Variants in MECOM observed in about 807,000 individuals in gnomAD.
MECOM encodes the protein MDS1 and EVI1 complex locus, also known as histone-lysine N-methyltransferase MECOM.
A neutral mutation model predicts 116.3 loss-of-function variants in MECOM; 13 were observed. That is an observed-to-expected ratio of 0.11 (90% CI 0.07 to 0.18). The LOEUF (loss-of-function observed/expected upper bound fraction) is 0.18, where lower values mean the gene tolerates loss of function less well. Among genes scored for constraint, MECOM ranks in the 10% least tolerant of loss-of-function variants. The probability of loss-of-function intolerance (pLI) is 1.00; values close to 1 mark genes in which losing one functional copy is unlikely to be tolerated. For missense variants in MECOM, 1,299 were observed against 1,509.0 expected (o/e 0.86, Z 2.31); for synonymous variants, 528 against 535.2 (o/e 0.99, Z 0.19).
At chr3:169,152,762 C>G (rs141846769) in intron 2 of MECOM, among the ~76,000 whole-genome samples, 15 of 152,270 alleles carry the variant, frequency 9.9e-5, no homozygotes, top group Middle Eastern at 6.8e-3. Context: ...GAACCATTAC[C>G]TACTTCCTTT....
chr3:169,225,001 T>C (rs1285995641), intron 2 of MECOM, among the ~76,000 whole-genome samples: 4 of 152,204 alleles, frequency 2.6e-5, no homozygotes, highest in Non-Finnish European at 4.4e-5. Flanking sequence ...CTAAATACAT[T>C]GGTCAGATTT....
At chr3:169,407,875 G>A (rs1184539541) in intron 1 of MECOM, among the ~76,000 whole-genome samples, 2 of 152,170 alleles carry the variant, frequency 1.3e-5, no homozygotes, top group African/African-American at 2.4e-5. Flanking sequence ...TCCACTTCTT[G>A]ATGGTTATCC....
chr3:169,482,328 C>CTTT (rs768771100), intron 1 of MECOM, among the ~76,000 whole-genome samples: 2,327 of 108,264 alleles, frequency 0.021, 92 homozygotes, highest in Admixed American at 0.029. Context: ...AACCCACGTT[C>CTTT]TTTTTTTTTT....
At chr3:169,168,861 C>A (rs1327401654) in intron 2 of MECOM, among the ~76,000 whole-genome samples, 1 of 150,792 alleles carries the variant, frequency 6.6e-6, no homozygotes, top group Non-Finnish European at 1.5e-5. Flanking sequence ...AAAATAAAAT[C>A]AAAACATTTA....
At chr3:169,118,787 T>G (rs1379640358) in intron 7 of MECOM, among the ~76,000 whole-genome samples, 1 of 152,084 alleles carries the variant, frequency 6.6e-6, no homozygotes, top group Non-Finnish European at 1.5e-5. Context: ...ACTTTTCTGG[T>G]GGCACCCGTT....
chr3:169,382,861 A>T (rs551464138), intron 1 of MECOM, among the ~76,000 whole-genome samples: 2,014 of 86,534 alleles, frequency 0.023, 102 homozygotes, highest in South Asian at 0.1. Flanking sequence ...AAAAAAAAAA[A>T]AAATAAAAAA....
chr3:169,506,559 C>A (rs548033257), intron 1 of MECOM, among the ~76,000 whole-genome samples: 2 of 151,918 alleles, frequency 1.3e-5, no homozygotes, highest in East Asian at 1.9e-4. Flanking sequence ...AACTGAATTT[C>A]ATTTGAAAAG....
At chr3:169,206,631 T>A (rs894970757) in intron 2 of MECOM, among the ~76,000 whole-genome samples, 2 of 151,752 alleles carry the variant, frequency 1.3e-5, no homozygotes, top group Non-Finnish European at 2.9e-5. Context: ...CGGGTGCCTA[T>A]AATCCCAGCT....
chr3:169,333,355 C>A (rs990912319), intron 2 of MECOM, among the ~76,000 whole-genome samples: 4 of 152,174 alleles, frequency 2.6e-5, no homozygotes, highest in Middle Eastern at 3.4e-3. Context: ...AAAATAGCCA[C>A]TGTATTTTAG....
intron 2 of MECOM, among the ~76,000 whole-genome samples, chr3:169,362,427 G>A (rs1361728232): frequency 6.6e-6 from 1 of 151,828 alleles, no homozygotes; most frequent in African/African-American, 2.4e-5. Flanking sequence ...AAAAATTCAA[G>A]GTTCCTGGCA....
intron 1 of MECOM, among the ~76,000 whole-genome samples, chr3:169,388,935 G>C (rs16853626): frequency 0.028 from 4,269 of 152,216 alleles, 144 homozygotes; most frequent in African/African-American, 0.078. Context: ...TTGTCAAAAA[G>C]ACTCAGAATG....
chr3:169,413,489 T>TC (rs796419812), intron 1 of MECOM, among the ~76,000 whole-genome samples: 1 of 45,932 alleles, frequency 2.2e-5, no homozygotes, highest in Admixed American at 2.1e-4. Flanking sequence ...TTTTTTTTTT[T>TC]ATTTTTTTTT....
intron 2 of MECOM, among the ~76,000 whole-genome samples, chr3:169,207,311 T>C (rs1019901654): frequency 2.3e-4 from 35 of 152,174 alleles, no homozygotes; most frequent in African/African-American, 8.0e-4. Context: ...CAGGAAGAAG[T>C]GACTATCTCA....
At chr3:169,100,354 C>A (rs1270857704) in intron 12 of MECOM, among the ~76,000 whole-genome samples, 3 of 152,108 alleles carry the variant, frequency 2.0e-5, no homozygotes, top group Admixed American at 2.0e-4. Context: ...CTGCCTCTGC[C>A]TCCCAAAGTG....
At chr3:169,498,687 C>G (rs1754137860) in intron 1 of MECOM, among the ~76,000 whole-genome samples, 1 of 152,092 alleles carries the variant, frequency 6.6e-6, no homozygotes, top group African/African-American at 2.4e-5. Flanking sequence ...AATTCCCATG[C>G]AAGATAGGCT....
intron 13 of MECOM, 118 bp from the exon 14 acceptor site, chr3:169,093,220 TTAATAA>T: frequency 1.0e-6 from 1 of 999,570 alleles, no homozygotes; most frequent in South Asian, 1.8e-5. Context: ...CCTATGAATA[TTAATAA>T]TAATAACTTT....
intron 1 of MECOM, among the ~76,000 whole-genome samples, chr3:169,658,909 G>T (rs1029886315): frequency 6.6e-6 from 1 of 152,068 alleles, no homozygotes; most frequent in East Asian, 1.9e-4. Flanking sequence ...GGGCAACTCC[G>T]CTCTCTTGTC....
At chr3:169,511,792 A>AT (rs1165642804) in intron 1 of MECOM, among the ~76,000 whole-genome samples, 2 of 151,872 alleles carry the variant, frequency 1.3e-5, no homozygotes, top group African/African-American at 4.8e-5. Flanking sequence ...ACAAAAAAAA[A>AT]TTTTTTTTAA....
At chr3:169,269,475 C>A (rs1314023019) in intron 2 of MECOM, among the ~76,000 whole-genome samples, 1 of 152,110 alleles carries the variant, frequency 6.6e-6, no homozygotes, top group East Asian at 1.9e-4. Flanking sequence ...AATTAGAAGG[C>A]ACTGAGTTTA....
Sources: gnomAD v4.1 joint callset for allele counts (sites outside exome capture counted in the v4.1 genomes callset) on GRCh38, gnomAD v4.1.1 for gene constraint, MANE v1.5 for transcripts, NCBI Gene and HGNC (gene_info 2026-07-23, HGNC 2026-07-21) for gene names.